The following ADAMTS20 variants were observed in gnomAD, a reference collection of about 807,000 sequenced individuals.
ADAMTS20 encodes the protein ADAM metallopeptidase with thrombospondin type 1 motif 20, also known as A disintegrin and metalloproteinase with thrombospondin motifs 20.
ADAMTS20 carries 225 observed loss-of-function variants against 260.1 expected under a neutral mutation model. That is an observed-to-expected ratio of 0.87 (90% CI 0.78 to 0.97). The LOEUF (loss-of-function observed/expected upper bound fraction) is 0.97. Among genes scored for constraint, ADAMTS20 ranks in the 50% least tolerant of loss-of-function variants. The pLI, the probability that ADAMTS20 is intolerant of heterozygous loss-of-function variation, is 0.00. For synonymous variants in ADAMTS20, 802 were observed against 769.5 expected, an observed-to-expected ratio of 1.04 and a Z score of -0.70; for missense variants, 2,400 against 2,337.7, an observed-to-expected ratio of 1.03 and a Z score of -0.55.
At position 43,388,068 on chromosome 12, in the gene ADAMTS20, C is replaced by T. The variant is rs542122008; in HGVS notation, c.4453-4091G>A. 6.6e-5 allele frequency among the ~76,000 whole-genome samples: 10 copies of T among 151,478 alleles called. No homozygotes were observed. In the South Asian group the frequency reaches 8.3e-4, roughly 13 times the overall value. On this transcript the variant is annotated intron_variant, in intron 29 of 38. Coordinates refer to ENST00000389420, the MANE Select transcript of ADAMTS20 (RefSeq NM_025003.5). ...TGTCTTGCTGGCATTCCGGGTGCCACGTACAAAAAAAAAACCTCCCGCAGC... is the reference window on the plus strand; with the variant it reads ...TGTCTTGCTGGCATTCCGGGTGCCATGTACAAAAAAAAAACCTCCCGCAGC...
chr12:43,390,171 T>C (rs1565676961), intron 29 of ADAMTS20, among the ~76,000 whole-genome samples: 2 of 152,340 alleles, frequency 1.3e-5, no homozygotes, highest in South Asian at 4.1e-4. Flanking sequence ...TCTGGGCCTA[T>C]GCAATCCCTG....
rs375582462 is a variant in ADAMTS20, at chr12:43,354,334, T to C, written c.5644-36A>G. The stretch of plus-strand genomic sequence containing the variant: ...GAAGAAGAAATACAGAAGAATCTTA[T>C]ACAAGCTGGTATCTGTATGCAAATA... On this transcript the variant is annotated intron_variant, in intron 38 of 38. Coordinates refer to ENST00000389420, the MANE Select transcript of ADAMTS20 (RefSeq NM_025003.5). The C allele has an allele frequency of 3.4e-5, 49 of 1,455,284 alleles. No individual in the cohort carries two copies. In the African/African-American group the frequency reaches 4.2e-4, roughly 12 times the overall value. 90.1% of individuals were successfully genotyped at this position (1,455,284 alleles called of 1,614,324 possible). A position where few individuals can be genotyped will look rare whatever the true frequency, so the allele number is the denominator to read the frequency against.
chr12:43,376,222 TG>T lies in ADAMTS20; in HGVS notation c.5220+13del. 6.5e-7 allele frequency: 1 copy of T among 1,535,254 alleles called. No homozygotes were observed. On this transcript the variant is annotated intron_variant, in intron 34 of 38. Transcript: ENST00000389420. Reference sequence around the variant, plus strand: ...ATCAATGTTAAAATAAAAAAGGAACTGTTTTCATAATACCTTTATTATTCTT... The same window carrying T: ...ATCAATGTTAAAATAAAAAAGGAACTTTTTCATAATACCTTTATTATTCTT...
At chr12:43,503,730 C>T (rs1167452811) in intron 3 of ADAMTS20, among the ~76,000 whole-genome samples, 1 of 152,064 alleles carries the variant, frequency 6.6e-6, no homozygotes, top group Non-Finnish European at 1.5e-5. Flanking sequence ...ACCATCCACC[C>T]TCAAGTAGGC....
rs780200970 is a variant in ADAMTS20 at position 43,383,711 on chromosome 12, C to G, written c.4644G>C (p.Glu1548Asp). ...RGRLNCSTSC[E>D]RKDSHQRMEC... ...CCATTCGTTGATGTGAATCTTTTCT[C>G]TCACATGATGTTGAACACTAGAAAT... The change falls in exon 31 of 39, where the codon GAG (glutamate) becomes GAC (aspartate). Residue 1548 changes from glutamate to aspartate, a missense_variant. Glu to Asp is a conservative substitution (Grantham distance 45). Coordinates refer to ENST00000389420, the MANE Select transcript of ADAMTS20 (RefSeq NM_025003.5). 6.8e-6 allele frequency: 11 copies of G among 1,613,738 alleles called. No individual in the cohort carries two copies. Among genetic ancestry groups the G allele is most frequent in the Admixed American group, 5.0e-5 (3 of 59,994 alleles).
At chr12:43,458,506 GAGCTC>G (rs898269308) in intron 11 of ADAMTS20, among the ~76,000 whole-genome samples, 51 of 152,224 alleles carry the variant, frequency 3.4e-4, no homozygotes, top group African/African-American at 1.2e-3. Context: ...CCAGACTTAG[GAGCTC>G]AGCTGTTCCC....
intron 35 of ADAMTS20, among the ~76,000 whole-genome samples, 198 bp downstream of exon 35, chr12:43,375,859 T>C (rs547686552): frequency 6.6e-6 from 1 of 152,380 alleles, no homozygotes; most frequent in South Asian, 2.1e-4. Flanking sequence ...TAGTCAATAT[T>C]AACAATACAT....
intron 7 of ADAMTS20, among the ~76,000 whole-genome samples, chr12:43,484,914 G>A (rs1592093049): frequency 6.6e-6 from 1 of 151,976 alleles, no homozygotes; most frequent in Non-Finnish European, 1.5e-5. Context: ...GCTATCTAAA[G>A]TCAACATGTA....
At chr12:43,448,625 A>G (rs574289880) in intron 14 of ADAMTS20, among the ~76,000 whole-genome samples, 80 of 152,244 alleles carry the variant, frequency 5.3e-4, no homozygotes, top group African/African-American at 1.9e-3. Flanking sequence ...TGCAACAGCA[A>G]AAACTGGAAA....
rs377221321 is a variant in ADAMTS20, at chr12:43,454,090, T to A, written c.1615-38A>T. 77 of 1,597,056 alleles carry A rather than the reference T, an allele frequency of 4.8e-5. No homozygotes were observed. In the African/African-American group the frequency reaches 1.0e-3, roughly 21 times the overall value. On this transcript the variant is annotated intron_variant, in intron 11 of 38. Transcript: ENST00000389420. ...TAAGCACAAAAAGAAATGATGTGTG[T>A]CTCTAATTAGAACATCACAAAAATT...
intron 36 of ADAMTS20, among the ~76,000 whole-genome samples, chr12:43,371,697 T>A (rs911910190): frequency 1.3e-5 from 2 of 152,132 alleles, no homozygotes; most frequent in Non-Finnish European, 2.9e-5. Context: ...ATGCCTGGTG[T>A]GTTCAAGGAA....
intron 14 of ADAMTS20, among the ~76,000 whole-genome samples, chr12:43,447,745 T>C (rs1330646071): frequency 6.6e-6 from 1 of 152,122 alleles, no homozygotes; most frequent in Non-Finnish European, 1.5e-5. Context: ...GAAAACTCCA[T>C]AGTCTCGGCC....
chr12:43,379,956 C>G (rs1333868920), intron 31 of ADAMTS20, among the ~76,000 whole-genome samples: 1 of 150,514 alleles, frequency 6.6e-6, no homozygotes, highest in Non-Finnish European at 1.5e-5. Context: ...TCCTATGAAG[C>G]CAGTTTTTCC....
chr12:43,361,848 T>C (rs1939874722), intron 37 of ADAMTS20, among the ~76,000 whole-genome samples: 1 of 152,200 alleles, frequency 6.6e-6, no homozygotes, highest in Non-Finnish European at 1.5e-5. Context: ...TAAAATAAAA[T>C]AAAATTTTAA....
At chr12:43,461,060 G>A (rs1202184983) in intron 11 of ADAMTS20, among the ~76,000 whole-genome samples, 9 of 138,930 alleles carry the variant, frequency 6.5e-5, no homozygotes, top group African/African-American at 2.2e-4. Context: ...GCGTGATCTC[G>A]GCTCACTGCA....
At chr12:43,394,939 A>G (rs905576357) in intron 29 of ADAMTS20, among the ~76,000 whole-genome samples, 3 of 152,124 alleles carry the variant, frequency 2.0e-5, no homozygotes, top group Non-Finnish European at 4.4e-5. Flanking sequence ...TCAGGAAGTG[A>G]CTGTCCCTTG....
chr12:43,508,432 AAAC>A (rs1592102837), intron 3 of ADAMTS20, among the ~76,000 whole-genome samples: 1 of 152,154 alleles, frequency 6.6e-6, no homozygotes, highest in East Asian at 1.9e-4. Flanking sequence ...GAACAAAACT[AAAC>A]AGATCATTTA....
chr12:43,468,096 C>T (rs1311107085), intron 8 of ADAMTS20, among the ~76,000 whole-genome samples: 1 of 151,748 alleles, frequency 6.6e-6, no homozygotes, highest in East Asian at 1.9e-4. Context: ...GTAAGAGAAT[C>T]CCAAATTTTT....
Position 43,376,140 on chromosome 12 carries a change from A to C in ADAMTS20, c.5229T>G (p.Cys1743Trp), listed in dbSNP as rs1940221670. ...NIKGRIIKIY[C>W]ADMYLENPKE... ...TAGGGTTCTCCAAGTACATGTCTGC[A>C]CAATAAATCTAAAGAAAAAATGTAA... Residue 1743 changes from cysteine to tryptophan, a missense_variant, in exon 35 of 39, where the codon TGT becomes TGG. Coordinates refer to ENST00000389420, the MANE Select transcript of ADAMTS20 (RefSeq NM_025003.5). 2 of 1,599,580 alleles carry C rather than the reference A, an allele frequency of 1.3e-6. No homozygotes were observed. The highest frequency in any genetic ancestry group is 1.8e-5 in the Admixed American group (1 of 57,030).
Sources: allele counts gnomAD v4.1 joint callset (sites outside exome capture counted in the v4.1 genomes callset), GRCh38; gene constraint gnomAD v4.1.1; transcripts MANE v1.5; gene names NCBI Gene and HGNC (gene_info 2026-07-23, HGNC 2026-07-21).